Variants in MDGA1 observed in about 807,000 individuals in gnomAD.
MDGA1 encodes MAM domain containing glycosylphosphatidylinositol anchor 1, also known as MAM domain-containing glycosylphosphatidylinositol anchor protein 1.
MDGA1 carries 54 observed loss-of-function variants against 101.5 expected under a neutral mutation model. That is an observed-to-expected ratio of 0.53 (90% CI 0.43 to 0.67). The LOEUF (loss-of-function observed/expected upper bound fraction) is 0.67, where lower values mean the gene tolerates loss of function less well. MDGA1 is among the 30% of genes least tolerant of loss of function. MDGA1 has a pLI of 0.00. For synonymous variants in MDGA1, 533 were observed against 558.3 expected (o/e 0.95, Z 0.64); for missense variants, 1,083 against 1,323.8 (o/e 0.82, Z 2.82).
Position 37,652,838 on chromosome 6 carries a change from T to C in MDGA1, c.983-498A>G, listed in dbSNP as rs576296418. On this transcript the variant is annotated intron_variant, in intron 6 of 16. Coordinates refer to ENST00000434837, the MANE Select transcript of MDGA1 (RefSeq NM_153487.4). The surrounding 1 kb of genome is among the most constrained non-coding windows in gnomAD (Gnocchi z 4.3). ...TATGCAAAATACACATTTGGAAGCA[T>C]GCACTAGAATATAACAGTGGTTCTA... 1.2e-4 allele frequency among the ~76,000 whole-genome samples: 19 copies of C among 152,376 alleles called. No homozygotes were observed. Among genetic ancestry groups the C allele is most frequent in the African/African-American group, 4.6e-4 (19 of 41,586 alleles).
intron 1 of MDGA1, among the ~76,000 whole-genome samples, chr6:37,678,931 CT>C (rs923989420): frequency 2.0e-4 from 31 of 152,058 alleles, no homozygotes; most frequent in Non-Finnish European, 1.6e-4. Flanking sequence ...GCGAGCACCC[CT>C]GGGAGCAAAA....
Position 37,654,463 on chromosome 6 carries a change from T to C in MDGA1, c.793A>G (p.Thr265Ala). The change falls in exon 6 of 17, where the codon ACA (threonine) becomes GCA (alanine). Residue 265 changes from threonine to alanine, a missense_variant. By Grantham distance (58) the Thr-to-Ala change is moderately conservative (BLOSUM62 0). Coordinates refer to ENST00000434837, the MANE Select transcript of MDGA1 (RefSeq NM_153487.4). ...AGCTGGGGGAGGGGATCACCGCCTGTCAGCAGACACTGCACCGTCACATTC... is the reference window on the plus strand; with the variant it reads ...AGCTGGGGGAGGGGATCACCGCCTGCCAGCAGACACTGCACCGTCACATTC... ...GENVTVQCLL[T>A]GGDPLPQLQW... is the part of the protein sequence containing the mutation. The C allele has an allele frequency of 6.2e-7, 1 of 1,613,956 alleles. No homozygotes were observed. Among genetic ancestry groups the C allele is most frequent in the Non-Finnish European group, 8.5e-7 (1 of 1,179,890 alleles).
At position 37,664,018 on chromosome 6, in the gene MDGA1, C is replaced by T. The variant is rs1425293240; in HGVS notation, c.156G>A (p.Glu52=). 4.3e-6 allele frequency: 7 copies of T among 1,613,888 alleles called. No individual in the cohort carries two copies. In the African/African-American group the frequency reaches 9.3e-5, roughly 22 times the overall value. ...GGCACTGCAGCATGAGGGTGTCCCCCTCCCGGATGGTGTAGACACGCTCGC... is the reference window on the plus strand; with the variant it reads ...GGCACTGCAGCATGAGGGTGTCCCCTTCCCGGATGGTGTAGACACGCTCGC... ...NISERVYTIR[E]GDTLMLQCLV... The change falls in exon 2 of 17, where the codon GAG becomes GAA. Residue 52 remains glutamate (E), a synonymous_variant. Coordinates refer to ENST00000434837, the MANE Select transcript of MDGA1 (RefSeq NM_153487.4).
At position 37,655,675 on chromosome 6, in the gene MDGA1, G is replaced by A. The variant is rs377305202; in HGVS notation, c.579+25C>T. 10 of 1,572,888 alleles carry A rather than the reference G, an allele frequency of 6.4e-6. No homozygotes were observed. The highest frequency in any genetic ancestry group is 1.3e-5 in the African/African-American group (1 of 74,310). On this transcript the variant is annotated intron_variant, in intron 4 of 16. Coordinates refer to ENST00000434837, the MANE Select transcript of MDGA1 (RefSeq NM_153487.4). The surrounding 1 kb of genome is among the most constrained non-coding windows in gnomAD (Gnocchi z 5.1). ...TGTTGGATGCAGGAGAAGTGGTATG[G>A]GGCGAGCCAGCTGCCCATCCTGACC...
At chr6:37,681,108 C>G (rs1222405322) in intron 1 of MDGA1, among the ~76,000 whole-genome samples, 1 of 152,212 alleles carries the variant, frequency 6.6e-6, no homozygotes. Flanking sequence ...CCTACCCTGA[C>G]CCCCTTCCTG....
intron 1 of MDGA1, among the ~76,000 whole-genome samples, chr6:37,690,563 G>A (rs922613710): frequency 3.9e-5 from 6 of 152,144 alleles, no homozygotes; most frequent in African/African-American, 1.4e-4. Flanking sequence ...CAGATCACAA[G>A]GTCAGGAGAT....
chr6:37,665,274 C>A (rs6903131), intron 1 of MDGA1, among the ~76,000 whole-genome samples: 104,123 of 151,794 alleles, frequency 0.69, 35,791 homozygotes, highest in South Asian at 0.72. Flanking sequence ...ACAGGTGAGA[C>A]GGGAGAGAGT....
chr6:37,657,186 A>G (rs1039725032), intron 3 of MDGA1, among the ~76,000 whole-genome samples: 2 of 152,236 alleles, frequency 1.3e-5, no homozygotes, highest in East Asian at 1.9e-4. Context: ...AGCTTAAGAA[A>G]GAATCGATAT....
chr6:37,687,398 A>AT (rs201177607), intron 1 of MDGA1, among the ~76,000 whole-genome samples: 11,670 of 127,586 alleles, frequency 0.091, 495 homozygotes, highest in Middle Eastern at 0.14. Flanking sequence ...TCTACTAAAA[A>AT]TTAAAAAAAA....
chr6:37,646,144 G>C, intron 11 of MDGA1, 54 bp downstream of exon 11: 1 of 1,551,914 alleles, frequency 6.4e-7, no homozygotes, highest in South Asian at 1.2e-5. Context: ...TGGTGAAAGG[G>C]GTCCCTGGCC....
At position 37,635,888 on chromosome 6, in the gene MDGA1, C is replaced by CACGT. The variant is rs1301758072; in HGVS notation, c.*1479_*1480insACGT. The CACGT allele has an allele frequency of 4.5e-5, 18 of 397,940 alleles. No individual in the cohort carries two copies. Among genetic ancestry groups the CACGT allele is most frequent in the Middle Eastern group, 1.3e-3 (2 of 1,588 alleles). The allele number at this position is 397,940 out of a possible 1,614,324, so 24.7% of individuals were successfully genotyped here. On this transcript the variant is annotated 3_prime_UTR_variant, in exon 17 of 17. Transcript: ENST00000434837. ...AACACATCACTCAGGAAGGTGGACACACACGCTGACGTACACGGACATTCA... is the reference window on the plus strand; with the variant it reads ...AACACATCACTCAGGAAGGTGGACACACGTACACGCTGACGTACACGGACATTCA...
intron 12 of MDGA1, 140 bp downstream of exon 12, chr6:37,645,793 T>C: frequency 5.0e-6 from 5 of 994,524 alleles, no homozygotes; most frequent in Non-Finnish European, 6.1e-6. Flanking sequence ...TTCTAGCCTC[T>C]GGCCCTACCC....
chr6:37,655,431 C>A lies in MDGA1; in HGVS notation c.579+269G>T. On this transcript the variant is annotated intron_variant, in intron 4 of 16. Transcript: ENST00000434837. The surrounding 1 kb of genome is among the most constrained non-coding windows in gnomAD (Gnocchi z 5.1). ...CCACCCAGCAGCAGACTGGGATGAC[C>A]TGTCTGCCCCTAGGGGTGCCTTTTC... 1 of 402,140 alleles carries A rather than the reference C, an allele frequency of 2.5e-6. No homozygotes were observed. Among genetic ancestry groups the A allele is most frequent in the Non-Finnish European group, 4.4e-6 (1 of 224,816 alleles). 24.9% of individuals were successfully genotyped at this position (402,140 alleles called of 1,614,324 possible).
intron 1 of MDGA1, among the ~76,000 whole-genome samples, chr6:37,692,999 A>T (rs1762345980): frequency 6.6e-6 from 1 of 152,176 alleles, no homozygotes; most frequent in African/African-American, 2.4e-5. Context: ...GGGACCCCTC[A>T]CACTGGCTAA....
intron 10 of MDGA1, among the ~76,000 whole-genome samples, chr6:37,646,913 C>A (rs62398391): frequency 1.3e-5 from 2 of 152,184 alleles, no homozygotes; most frequent in African/African-American, 2.4e-5. Flanking sequence ...CTCCCTCCCC[C>A]ACGAACCCAG....
At chr6:37,671,085 G>T (rs148128308) in intron 1 of MDGA1, among the ~76,000 whole-genome samples, 74 of 152,210 alleles carry the variant, frequency 4.9e-4, no homozygotes, top group Middle Eastern at 3.4e-3. Context: ...TTACTCTCCT[G>T]ATTTCTATCA....
intron 13 of MDGA1, among the ~76,000 whole-genome samples, chr6:37,644,147 C>T (rs1327049629): frequency 4.0e-5 from 5 of 126,470 alleles, no homozygotes; most frequent in Non-Finnish European, 6.8e-5. Flanking sequence ...TCCTGCCTCA[C>T]CCCCACGCAT....
Position 37,663,491 on chromosome 6 carries a change from C to G in MDGA1, c.207+476G>C, listed in dbSNP as rs1761672118. Among the ~76,000 whole-genome samples the G allele has an allele frequency of 2.0e-5, 3 of 152,226 alleles. No individual in the cohort carries two copies. The South Asian group carries it at 6.2e-4, about 32-fold the overall frequency. On this transcript the variant is annotated intron_variant, in intron 2 of 16. Coordinates refer to ENST00000434837, the MANE Select transcript of MDGA1 (RefSeq NM_153487.4). ...TCTGGATTCAATGTCTGCTTCCATC[C>G]TCACAAGAGCTGCGTGCGCTTGGGA... is the stretch of plus-strand genomic sequence containing the variant.
chr6:37,638,943 C>G lies in MDGA1; in HGVS notation c.2537-276G>C. ...CTGCTAATCAGCTAATCTCCCCAACCCCAAACACACACATGCACACACACC... is the reference window on the plus strand; with the variant it reads ...CTGCTAATCAGCTAATCTCCCCAACGCCAAACACACACATGCACACACACC... On this transcript the variant is annotated intron_variant, in intron 14 of 16. Transcript: ENST00000434837. The surrounding 1 kb of genome is among the most constrained non-coding windows in gnomAD (Gnocchi z 4.8). 2.5e-6 allele frequency: 1 copy of G among 392,276 alleles called. No individual in the cohort carries two copies. Among genetic ancestry groups the G allele is most frequent in the African/African-American group, 2.1e-5 (1 of 48,738 alleles). 24.3% of individuals were successfully genotyped at this position (392,276 alleles called of 1,614,324 possible).
Sources: gnomAD v4.1 joint callset for allele counts (sites outside exome capture counted in the v4.1 genomes callset) on GRCh38, gnomAD v4.1.1 for gene constraint, Gnocchi (gnomAD v3.1) non-coding constraint, MANE v1.5 for transcripts, NCBI Gene and HGNC (gene_info 2026-07-23, HGNC 2026-07-21) for gene names.